E2F3: variants seen among roughly 807,000 people sequenced by gnomAD.
E2F3 encodes the protein E2F transcription factor 3.
E2F3 carries 11 observed loss-of-function variants against 44.4 expected under a neutral mutation model. The observed-to-expected ratio is 0.25, with a 90% CI of 0.16 to 0.41. The LOEUF (loss-of-function observed/expected upper bound fraction) is 0.41. Ranked by LOEUF, E2F3 falls within the 10% of genes least tolerant of loss-of-function variation. E2F3 has a pLI of 1.00. For missense variants in E2F3, 487 were observed against 583.6 expected (o/e 0.83, Z 1.70); for synonymous variants, 249 against 253.0 (o/e 0.98, Z 0.15).
rs144038145 is a variant in E2F3 at position 20,467,313 on chromosome 6, T to A, written c.394-12533T>A. On this transcript the variant is annotated intron_variant, in intron 1 of 6. Transcript: ENST00000346618. The stretch of plus-strand genomic sequence containing the variant: ...TCATAAACCCAGGCCCCACATGGCA[T>A]GAATACAAAGTGTATCAGCTGTTTC... Among the ~76,000 whole-genome samples the A allele has an allele frequency of 2.5e-3, 379 of 152,264 alleles. 2 individuals are homozygous for A. Among genetic ancestry groups the A allele is most frequent in the African/African-American group, 8.6e-3 (359 of 41,552 alleles).
intron 1 of E2F3, among the ~76,000 whole-genome samples, chr6:20,439,779 C>T (rs183856600): frequency 6.6e-6 from 1 of 152,158 alleles, no homozygotes; most frequent in Non-Finnish European, 1.5e-5. Flanking sequence ...CCTCCTGCCT[C>T]GGCCTCCCAG....
At chr6:20,478,749 G>A (rs1762126439) in intron 1 of E2F3, among the ~76,000 whole-genome samples, 1 of 152,156 alleles carries the variant, frequency 6.6e-6, no homozygotes, top group Non-Finnish European at 1.5e-5. Context: ...GGCAGAGGTT[G>A]CAGTGAGCCA....
intron 1 of E2F3, among the ~76,000 whole-genome samples, chr6:20,472,237 T>G (rs570063714): frequency 6.6e-6 from 1 of 152,254 alleles, no homozygotes; most frequent in African/African-American, 2.4e-5. Flanking sequence ...GACCTGAGCT[T>G]AGAGTCCAGT....
intron 1 of E2F3, among the ~76,000 whole-genome samples, chr6:20,418,611 G>A (rs1039262522): frequency 2.0e-5 from 3 of 152,226 alleles, no homozygotes; most frequent in Non-Finnish European, 4.4e-5. Flanking sequence ...GTGGACAGTT[G>A]CAGAAATTGG....
chr6:20,422,293 A>G (rs753106256), intron 1 of E2F3, among the ~76,000 whole-genome samples: 3 of 152,224 alleles, frequency 2.0e-5, no homozygotes, highest in Non-Finnish European at 4.4e-5. Flanking sequence ...TCAGCCGTCA[A>G]AAGAGCTGAT....
chr6:20,436,662 C>T (rs1240466534), intron 1 of E2F3, among the ~76,000 whole-genome samples: 1 of 152,114 alleles, frequency 6.6e-6, no homozygotes, highest in African/African-American at 2.4e-5. Context: ...AGTCCTTTTC[C>T]CCTCCTCTCT....
At chr6:20,445,454 G>A (rs1760911721) in intron 1 of E2F3, among the ~76,000 whole-genome samples, 1 of 152,028 alleles carries the variant, frequency 6.6e-6, no homozygotes. Flanking sequence ...TGGCCAGGCT[G>A]GTCTCGAATT....
chr6:20,447,919 G>C (rs1468758766), intron 1 of E2F3, among the ~76,000 whole-genome samples: 1 of 152,164 alleles, frequency 6.6e-6, no homozygotes, highest in Admixed American at 6.5e-5. Flanking sequence ...GGCCCAGAGA[G>C]GGCAGGTGAC....
intron 1 of E2F3, among the ~76,000 whole-genome samples, chr6:20,416,669 A>G (rs1007162584): frequency 2.6e-5 from 4 of 152,188 alleles, no homozygotes; most frequent in East Asian, 1.9e-4. Context: ...CAAGTCCCCA[A>G]CGTCATTCCA....
At chr6:20,478,976 T>C (rs1048894565) in intron 1 of E2F3, among the ~76,000 whole-genome samples, 1 of 152,154 alleles carries the variant, frequency 6.6e-6, no homozygotes, top group Non-Finnish European at 1.5e-5. Context: ...TCTTTTCTCT[T>C]GGACTCGAAG....
At chr6:20,447,781 A>G (rs1392819547) in intron 1 of E2F3, among the ~76,000 whole-genome samples, 1 of 152,106 alleles carries the variant, frequency 6.6e-6, no homozygotes, top group Non-Finnish European at 1.5e-5. Context: ...TTGGCAGTAA[A>G]TTGGGTTTTC....
Position 20,493,523 on chromosome 6 carries a change from A to G in E2F3, c.*3093A>G, listed in dbSNP as rs1159007131. 4.6e-6 allele frequency: 1 copy of G among 218,444 alleles called. No homozygotes were observed. The highest frequency in any genetic ancestry group is 9.2e-6 in the Non-Finnish European group (1 of 108,874). The allele number at this position is 218,444 out of a possible 1,614,324, so 13.5% of individuals were successfully genotyped here. On this transcript the variant is annotated 3_prime_UTR_variant, in exon 7 of 7. Coordinates refer to ENST00000346618, the MANE Select transcript of E2F3 (RefSeq NM_001949.5). ...ACTAATCAGTTTAGCTTTGTGTTGTATGCTAGTTTAAAAAAGAAAATATGT... is the reference window on the plus strand; with the variant it reads ...ACTAATCAGTTTAGCTTTGTGTTGTGTGCTAGTTTAAAAAAGAAAATATGT...
intron 4 of E2F3, among the ~76,000 whole-genome samples, chr6:20,485,307 G>A (rs747593251): frequency 2.0e-4 from 30 of 152,298 alleles, no homozygotes; most frequent in Admixed American, 4.6e-4. Context: ...GCCGGGCGCC[G>A]TGGCTCACAC....
At chr6:20,458,859 G>A (rs1180325837) in intron 1 of E2F3, among the ~76,000 whole-genome samples, 4 of 152,298 alleles carry the variant, frequency 2.6e-5, no homozygotes, top group Non-Finnish European at 2.9e-5. Context: ...GGGTGTCTTC[G>A]GATGACTCTG....
At chr6:20,440,470 A>C (rs1188219899) in intron 1 of E2F3, among the ~76,000 whole-genome samples, 3 of 152,158 alleles carry the variant, frequency 2.0e-5, no homozygotes, top group Admixed American at 2.0e-4. Flanking sequence ...TTGGCTCCCG[A>C]GTATTTAGAG....
At chr6:20,435,474 C>T (rs141461935) in intron 1 of E2F3, among the ~76,000 whole-genome samples, 7 of 152,248 alleles carry the variant, frequency 4.6e-5, no homozygotes, top group African/African-American at 9.6e-5. Flanking sequence ...TTGACTTGGC[C>T]GGGCACAGTG....
chr6:20,452,960 A>G (rs1043204212), intron 1 of E2F3, among the ~76,000 whole-genome samples: 5 of 149,620 alleles, frequency 3.3e-5, no homozygotes, highest in Non-Finnish European at 5.9e-5. Context: ...CTCAAAAAAA[A>G]AGAAGCCATT....
intron 1 of E2F3, among the ~76,000 whole-genome samples, chr6:20,450,928 A>G (rs1053369330): frequency 6.6e-6 from 1 of 152,192 alleles, no homozygotes; most frequent in Non-Finnish European, 1.5e-5. Flanking sequence ...GTCGAAGATC[A>G]TATGGTTGTA....
At chr6:20,429,088 A>G (rs1760311237) in intron 1 of E2F3, among the ~76,000 whole-genome samples, 1 of 152,178 alleles carries the variant, frequency 6.6e-6, no homozygotes, top group Admixed American at 6.5e-5. Flanking sequence ...ACTGTTAAAC[A>G]TACTATAACA....
Sources: gnomAD v4.1 joint callset for allele counts (sites outside exome capture counted in the v4.1 genomes callset) on GRCh38, gnomAD v4.1.1 for gene constraint, MANE v1.5 for transcripts, NCBI Gene and HGNC (gene_info 2026-07-23, HGNC 2026-07-21) for gene names.